Variants in MAPKAP1 observed in about 807,000 individuals in gnomAD.
MAPKAP1 encodes MAPK associated protein 1.
In MAPKAP1, 20 loss-of-function variants were observed where a neutral mutation model predicts 65.7. The ratio of observed to expected loss-of-function variants is 0.30; its 90% CI spans 0.21 to 0.44. The LOEUF is 0.44. MAPKAP1 is among the 20% of genes least tolerant of loss of function. The probability of loss-of-function intolerance (pLI) is 1.00; values close to 1 mark genes in which losing one functional copy is unlikely to be tolerated. For synonymous variants in MAPKAP1, 222 were observed against 244.3 expected (o/e 0.91, Z 0.85); for missense variants, 423 against 648.0 (o/e 0.65, Z 3.77).
rs1852381797 is a variant in MAPKAP1, at chr9:125,438,931, T to C, written c.1525A>G (p.Thr509Ala). 1 of 1,614,246 alleles carries C rather than the reference T, an allele frequency of 6.2e-7. No homozygotes were observed. ...AQKQRKLNRR[T>A]SFSFQKEKKS... ...TTCTCCTTCTGGAAGCTGAAGCTCG[T>C]ACGTCTGTTCAGTTTTCTTTGTTTT... Residue 509 changes from threonine to alanine, a missense_variant, in exon 12 of 12, where the codon ACG becomes GCG. Coordinates refer to ENST00000265960, the MANE Select transcript of MAPKAP1 (RefSeq NM_001006617.3).
intron 7 of MAPKAP1, among the ~76,000 whole-genome samples, chr9:125,523,787 C>T (rs1340565529): frequency 3.3e-5 from 5 of 152,278 alleles, no homozygotes; most frequent in Middle Eastern, 6.8e-3. Flanking sequence ...GTACGGCCAC[C>T]CCCAGGTGCT....
At chr9:125,456,912 G>A (rs1853184154) in intron 10 of MAPKAP1, among the ~76,000 whole-genome samples, 1 of 152,018 alleles carries the variant, frequency 6.6e-6, no homozygotes, top group African/African-American at 2.4e-5. Flanking sequence ...ATGTTTTGGG[G>A]CAATTTGTTT....
chr9:125,586,251 GC>G (rs1831781467), intron 4 of MAPKAP1, among the ~76,000 whole-genome samples: 1 of 152,070 alleles, frequency 6.6e-6, no homozygotes, highest in African/African-American at 2.4e-5. Flanking sequence ...AGGTTCAAGG[GC>G]CCTTTGATCC....
intron 5 of MAPKAP1, among the ~76,000 whole-genome samples, chr9:125,562,673 T>C (rs961799732): frequency 1.3e-5 from 2 of 152,342 alleles, no homozygotes; most frequent in Non-Finnish European, 2.9e-5. Context: ...GCAGTATCAT[T>C]AGCTACATTT....
chr9:125,652,554 T>G (rs1020705515), intron 4 of MAPKAP1, among the ~76,000 whole-genome samples: 1 of 152,196 alleles, frequency 6.6e-6, no homozygotes, highest in African/African-American at 2.4e-5. Flanking sequence ...AATGGTTACT[T>G]TCTAACAAGT....
intron 6 of MAPKAP1, among the ~76,000 whole-genome samples, chr9:125,557,908 G>A (rs1830785034): frequency 6.6e-6 from 1 of 152,164 alleles, no homozygotes; most frequent in African/African-American, 2.4e-5. Context: ...CCAGGCTGGA[G>A]TGCAATGGCG....
chr9:125,666,856 C>A (rs898545268), intron 3 of MAPKAP1, among the ~76,000 whole-genome samples: 1 of 152,148 alleles, frequency 6.6e-6, no homozygotes, highest in Non-Finnish European at 1.5e-5. Context: ...TAGGACCCAG[C>A]CTAAGGGAGA....
intron 5 of MAPKAP1, among the ~76,000 whole-genome samples, chr9:125,562,563 T>C (rs1195815261): frequency 1.3e-5 from 2 of 152,202 alleles, no homozygotes; most frequent in African/African-American, 4.8e-5. Flanking sequence ...ACTGGTTCCT[T>C]TGGTGCTTTT....
chr9:125,481,322 G>T (rs746570384), intron 9 of MAPKAP1, among the ~76,000 whole-genome samples: 1 of 151,980 alleles, frequency 6.6e-6, no homozygotes, highest in African/African-American at 2.4e-5. Flanking sequence ...CCAAGGCAGC[G>T]CTTTTCACAC....
intron 1 of MAPKAP1, among the ~76,000 whole-genome samples, chr9:125,689,281 C>G (rs1835085532): frequency 6.6e-6 from 1 of 151,040 alleles, no homozygotes; most frequent in Non-Finnish European, 1.5e-5. Flanking sequence ...ACTAAAAATA[C>G]AAAAAATTAG....
At chr9:125,548,285 G>C (rs941986410) in intron 6 of MAPKAP1, among the ~76,000 whole-genome samples, 1 of 152,220 alleles carries the variant, frequency 6.6e-6, no homozygotes, top group Non-Finnish European at 1.5e-5. Context: ...TTATAGTTCT[G>C]TGTGACAGTC....
intron 4 of MAPKAP1, among the ~76,000 whole-genome samples, chr9:125,606,009 T>C (rs544375255): frequency 4.2e-4 from 64 of 152,352 alleles, no homozygotes; most frequent in African/African-American, 1.4e-3. Flanking sequence ...CTCTTTGAAA[T>C]TGATAGGAAT....
intron 8 of MAPKAP1, among the ~76,000 whole-genome samples, chr9:125,501,501 G>A (rs1828980166): frequency 6.6e-6 from 1 of 152,102 alleles, no homozygotes; most frequent in Admixed American, 6.5e-5. Context: ...TACTGAGTTT[G>A]GTACCAAGAT....
intron 9 of MAPKAP1, among the ~76,000 whole-genome samples, chr9:125,473,895 A>G (rs926440740): frequency 6.6e-6 from 1 of 152,176 alleles, no homozygotes; most frequent in African/African-American, 2.4e-5. Flanking sequence ...ACTTGGGAAA[A>G]ACTTCTATAA....
intron 4 of MAPKAP1, among the ~76,000 whole-genome samples, chr9:125,620,970 G>A (rs1832880036): frequency 6.6e-6 from 1 of 152,042 alleles, no homozygotes; most frequent in African/African-American, 2.4e-5. Context: ...AATAAGATAA[G>A]AATAACAACA....
intron 7 of MAPKAP1, among the ~76,000 whole-genome samples, chr9:125,516,703 A>G (rs1829471379): frequency 6.6e-6 from 1 of 152,350 alleles, no homozygotes; most frequent in Non-Finnish European, 1.5e-5. Context: ...CTGGAGTCAA[A>G]AAGACTTGGA....
intron 1 of MAPKAP1, among the ~76,000 whole-genome samples, chr9:125,702,237 A>AT (rs573586124): frequency 1.8e-4 from 28 of 152,212 alleles, no homozygotes; most frequent in African/African-American, 6.5e-4. Flanking sequence ...TCTCTACAAA[A>AT]TTTTTTTAAA....
chr9:125,494,998 A>G (rs971223597), intron 8 of MAPKAP1, among the ~76,000 whole-genome samples: 2 of 152,206 alleles, frequency 1.3e-5, no homozygotes, highest in Non-Finnish European at 2.9e-5. Context: ...TTACAGGATG[A>G]AGCATGACCA....
At chr9:125,667,318 T>G (rs1834367823) in intron 3 of MAPKAP1, among the ~76,000 whole-genome samples, 1 of 152,178 alleles carries the variant, frequency 6.6e-6, no homozygotes, top group Non-Finnish European at 1.5e-5. Flanking sequence ...ATGTACTCTA[T>G]TCACCGTATT....
Sources: gnomAD v4.1 joint callset for allele counts (sites outside exome capture counted in the v4.1 genomes callset) on GRCh38, gnomAD v4.1.1 for gene constraint, MANE v1.5 for transcripts, NCBI Gene and HGNC (gene_info 2026-07-23, HGNC 2026-07-21) for gene names.